AGMO: variants seen among roughly 807,000 people sequenced by gnomAD.
AGMO encodes alkylglycerol monooxygenase, also known as glyceryl-ether monooxygenase.
A neutral mutation model predicts 60.2 loss-of-function variants in AGMO; 75 were observed. The observed-to-expected ratio is 1.25, with a 90% CI of 1.03 to 1.51. The LOEUF (loss-of-function observed/expected upper bound fraction) is 1.51. Among genes scored for constraint, AGMO ranks in the 40% most tolerant of loss-of-function variants. The probability of loss-of-function intolerance (pLI) is 0.00; values close to 1 mark genes in which losing one functional copy is unlikely to be tolerated. For synonymous variants in AGMO, 261 were observed against 177.1 expected, an observed-to-expected ratio of 1.47 and a Z score of -3.76; for missense variants, 763 against 525.5, an observed-to-expected ratio of 1.45 and a Z score of -4.42.
intron 3 of AGMO, among the ~76,000 whole-genome samples, chr7:15,456,371 T>G (rs944748020): frequency 6.6e-6 from 1 of 152,162 alleles, no homozygotes; most frequent in African/African-American, 2.4e-5. Context: ...TATTGACTTT[T>G]ACCTTTTTCA....
chr7:15,282,662 A>G (rs2128519230), intron 12 of AGMO, among the ~76,000 whole-genome samples: 1 of 152,344 alleles, frequency 6.6e-6, no homozygotes, highest in Non-Finnish European at 1.5e-5. Flanking sequence ...TGGAAAACTT[A>G]TTTGATGGAA....
intron 3 of AGMO, among the ~76,000 whole-genome samples, chr7:15,505,252 G>A (rs1258726254): frequency 6.6e-6 from 1 of 151,956 alleles, no homozygotes; most frequent in African/African-American, 2.4e-5. Context: ...AAGAAATTAA[G>A]GCTATTTACT....
chr7:15,434,355 G>T (rs1023869657), intron 3 of AGMO, among the ~76,000 whole-genome samples: 1 of 152,080 alleles, frequency 6.6e-6, no homozygotes, highest in Non-Finnish European at 1.5e-5. Context: ...CTTTGAGTGT[G>T]AGCCAGATTT....
Position 15,500,767 on chromosome 7 carries a change from G to A in AGMO, c.409+44005C>T, listed in dbSNP as rs540137936. Among the ~76,000 whole-genome samples the A allele has an allele frequency of 4.6e-5, 7 of 151,656 alleles. No individual in the cohort carries two copies. In the South Asian group the frequency reaches 1.0e-3, roughly 23 times the overall value. ...TTTGCTCTTGTTTCTCTAGTTCTTC[G>A]AGCTGTGATGTTAGGTTCTTAATTT... On this transcript the variant is annotated intron_variant, in intron 3 of 12. Transcript: ENST00000342526.
chr7:15,202,458 CAAAAAAAAAAAAAAAAA>C (rs71004370), intron 12 of AGMO, among the ~76,000 whole-genome samples: 3 of 45,358 alleles, frequency 6.6e-5, no homozygotes, highest in African/African-American at 1.3e-4. Flanking sequence ...TACAAATGAG[CAAAAAAAAAAAAAAAAA>C]AAAAAAAAAA....
At chr7:15,158,876 A>C in the AGMO span, among the ~76,000 whole-genome samples, 1 of 152,320 alleles carries the variant, frequency 6.6e-6, no homozygotes, top group Non-Finnish European at 1.5e-5. Flanking sequence ...TCAAGGCTGC[A>C]AGTAAATTTT....
chr7:15,120,028 T>G, the AGMO span, among the ~76,000 whole-genome samples: 1 of 151,838 alleles, frequency 6.6e-6, no homozygotes, highest in South Asian at 2.1e-4. Context: ...ATTCACACCT[T>G]GAAATCCCAT....
intron 3 of AGMO, among the ~76,000 whole-genome samples, chr7:15,529,341 G>A (rs1042199761): frequency 4.0e-5 from 6 of 150,264 alleles, no homozygotes; most frequent in Non-Finnish European, 8.9e-5. Context: ...CAAAAGAACT[G>A]GCATGTTGCT....
chr7:15,235,774 TAGA>T (rs1197257153), intron 12 of AGMO, among the ~76,000 whole-genome samples: 1 of 152,186 alleles, frequency 6.6e-6, no homozygotes, highest in African/African-American at 2.4e-5. Context: ...TCTCTTTGGA[TAGA>T]AGAAGGAAGC....
intron 5 of AGMO, among the ~76,000 whole-genome samples, chr7:15,416,475 A>G (rs912270037): frequency 6.6e-6 from 1 of 151,990 alleles, no homozygotes; most frequent in Non-Finnish European, 1.5e-5. Context: ...TTTTATTCTA[A>G]TGTGATTGAT....
chr7:15,311,885 AT>A (rs1563080868), intron 12 of AGMO, among the ~76,000 whole-genome samples: 1 of 152,204 alleles, frequency 6.6e-6, no homozygotes, highest in Non-Finnish European at 1.5e-5. Context: ...AAAATGATAT[AT>A]TTTAAGAAGA....
chr7:15,506,872 T>G (rs1783525053), intron 3 of AGMO, among the ~76,000 whole-genome samples: 1 of 151,800 alleles, frequency 6.6e-6, no homozygotes, highest in Non-Finnish European at 1.5e-5. Context: ...GCTGTGAGAC[T>G]TAGAGAGCTA....
At chr7:15,271,762 C>T (rs1783618307) in intron 12 of AGMO, among the ~76,000 whole-genome samples, 1 of 152,058 alleles carries the variant, frequency 6.6e-6, no homozygotes, top group Admixed American at 6.6e-5. Context: ...AGGGAAAATG[C>T]TTTTACATTT....
At chr7:15,365,779 A>G (rs1021934484) in intron 11 of AGMO, among the ~76,000 whole-genome samples, 160 bp from the exon 12 acceptor site, 1 of 152,106 alleles carries the variant, frequency 6.6e-6, no homozygotes, top group Non-Finnish European at 1.5e-5. Context: ...GTGATTAAGA[A>G]AGAACACTCA....
the AGMO span, among the ~76,000 whole-genome samples, chr7:15,172,657 C>G: frequency 2.0e-5 from 3 of 151,888 alleles, no homozygotes; most frequent in African/African-American, 7.3e-5. Flanking sequence ...AACTCCAGTC[C>G]CAGTGGATTT....
intron 12 of AGMO, among the ~76,000 whole-genome samples, chr7:15,325,632 A>G (rs1208473925): frequency 6.6e-6 from 1 of 152,164 alleles, no homozygotes; most frequent in Non-Finnish European, 1.5e-5. Flanking sequence ...TGAAACAGAA[A>G]AAATAACTCA....
intron 5 of AGMO, chr7:15,396,490 C>A (rs1206974489): frequency 6.6e-6 from 1 of 152,180 alleles, no homozygotes; most frequent in Non-Finnish European, 1.5e-5. Context: ...GTGGCAGGGA[C>A]CCAAAGAACG....
intron 12 of AGMO, among the ~76,000 whole-genome samples, chr7:15,247,696 C>G (rs1782790026): frequency 6.6e-6 from 1 of 151,978 alleles, no homozygotes; most frequent in Non-Finnish European, 1.5e-5. Flanking sequence ...AATATTTTCC[C>G]AACATGACTA....
At chr7:15,136,565 T>C in the AGMO span, among the ~76,000 whole-genome samples, 6 of 152,166 alleles carry the variant, frequency 3.9e-5, no homozygotes, top group African/African-American at 1.2e-4. Context: ...GTTGGTATTA[T>C]GCTCCTTCTC....
Sources: allele counts gnomAD v4.1 joint callset (sites outside exome capture counted in the v4.1 genomes callset), GRCh38; gene constraint gnomAD v4.1.1; transcripts MANE v1.5; gene names NCBI Gene and HGNC (gene_info 2026-07-23, HGNC 2026-07-21).